KLHL1: variants seen among roughly 807,000 people sequenced by gnomAD.
KLHL1 encodes the protein kelch-like protein 1.
A neutral mutation model predicts 77.7 loss-of-function variants in KLHL1; 47 were observed. The observed-to-expected ratio is 0.60, with a 90% CI of 0.48 to 0.77. The LOEUF (loss-of-function observed/expected upper bound fraction) is 0.77. Among genes scored for constraint, KLHL1 ranks in the 30% least tolerant of loss-of-function variants. KLHL1 has a pLI of 0.00. For missense variants in KLHL1, 925 were observed against 910.8 expected (o/e 1.02, Z -0.20); for synonymous variants, 360 against 325.2 (o/e 1.11, Z -1.15).
intron 4 of KLHL1, among the ~76,000 whole-genome samples, chr13:69,931,106 C>T (rs961362868): frequency 4.0e-5 from 6 of 151,574 alleles, no homozygotes; most frequent in African/African-American, 1.5e-4. Flanking sequence ...TTCACTTACT[C>T]TCTTTTCAAA....
chr13:69,906,745 C>T (rs1882058128), intron 4 of KLHL1, among the ~76,000 whole-genome samples: 1 of 151,858 alleles, frequency 6.6e-6, no homozygotes, highest in Non-Finnish European at 1.5e-5. Context: ...ATCCTTTCTT[C>T]ACTTATAATA....
At chr13:70,008,978 T>A (rs941750334) in intron 1 of KLHL1, among the ~76,000 whole-genome samples, 1 of 152,180 alleles carries the variant, frequency 6.6e-6, no homozygotes, top group African/African-American at 2.4e-5. Flanking sequence ...AAATTTGTCA[T>A]TAATGTTCAT....
chr13:70,061,774 T>C (rs1299911423), intron 1 of KLHL1, among the ~76,000 whole-genome samples: 1 of 152,218 alleles, frequency 6.6e-6, no homozygotes, highest in African/African-American at 2.4e-5. Context: ...TTTGTGTGTT[T>C]ATTTATTTTT....
intron 9 of KLHL1, among the ~76,000 whole-genome samples, chr13:69,716,559 A>T (rs1038171862): frequency 2.0e-5 from 3 of 152,178 alleles, no homozygotes; most frequent in Non-Finnish European, 2.9e-5. Context: ...AGAAGTGGGT[A>T]TTACAAAGTC....
chr13:70,104,144 G>A (rs564960265), intron 1 of KLHL1, among the ~76,000 whole-genome samples: 13 of 152,114 alleles, frequency 8.5e-5, no homozygotes, highest in African/African-American at 3.1e-4. Flanking sequence ...AAAAATATAT[G>A]GTTATCTGAA....
At chr13:69,847,708 C>T (rs1373867055) in intron 5 of KLHL1, among the ~76,000 whole-genome samples, 2 of 151,344 alleles carry the variant, frequency 1.3e-5, no homozygotes, top group Non-Finnish European at 3.0e-5. Context: ...CATAATATCT[C>T]AAAATTTTGT....
At chr13:69,887,023 G>A (rs922531849) in intron 4 of KLHL1, among the ~76,000 whole-genome samples, 5 of 152,106 alleles carry the variant, frequency 3.3e-5, no homozygotes, top group Admixed American at 2.0e-4. Context: ...AAAAAAAATG[G>A]GGATCCTGGA....
intron 1 of KLHL1, among the ~76,000 whole-genome samples, chr13:69,997,418 T>C (rs977332854): frequency 6.6e-5 from 10 of 151,468 alleles, no homozygotes; most frequent in African/African-American, 2.4e-4. Context: ...AAGATGTTCA[T>C]CTTGCATAAC....
At chr13:69,741,012 CAAT>C (rs1873965579) in intron 7 of KLHL1, among the ~76,000 whole-genome samples, 1 of 152,064 alleles carries the variant, frequency 6.6e-6, no homozygotes, top group Non-Finnish European at 1.5e-5. Context: ...TTACTTACAA[CAAT>C]GTTACCTTAA....
At chr13:69,942,081 T>A (rs1002298468) in intron 3 of KLHL1, among the ~76,000 whole-genome samples, 1 of 152,064 alleles carries the variant, frequency 6.6e-6, no homozygotes, top group Non-Finnish European at 1.5e-5. Flanking sequence ...ATCTTAAGAA[T>A]TTTAAACCTG....
intron 1 of KLHL1, among the ~76,000 whole-genome samples, chr13:70,033,284 T>C (rs887678796): frequency 6.6e-6 from 1 of 151,936 alleles, no homozygotes; most frequent in Non-Finnish European, 1.5e-5. Flanking sequence ...TTTTGTTTTG[T>C]TTTGTTTCGT....
chr13:69,973,584 A>G (rs1884458958), intron 2 of KLHL1, among the ~76,000 whole-genome samples: 1 of 151,856 alleles, frequency 6.6e-6, no homozygotes, highest in African/African-American at 2.4e-5. Flanking sequence ...TAAAAGTATT[A>G]AAATGTATTA....
At chr13:69,746,073 C>G (rs1253802968) in intron 7 of KLHL1, among the ~76,000 whole-genome samples, 1 of 151,428 alleles carries the variant, frequency 6.6e-6, no homozygotes, top group Non-Finnish European at 1.5e-5. Flanking sequence ...TTTGATTTCC[C>G]TATGCTATTG....
intron 4 of KLHL1, among the ~76,000 whole-genome samples, chr13:69,939,132 C>T (rs887749455): frequency 6.6e-6 from 1 of 150,802 alleles, no homozygotes; most frequent in African/African-American, 2.4e-5. Context: ...GGCACCCATG[C>T]TATTAAATGC....
At chr13:69,781,433 G>A (rs1481710704) in intron 7 of KLHL1, among the ~76,000 whole-genome samples, 1 of 151,954 alleles carries the variant, frequency 6.6e-6, no homozygotes, top group Non-Finnish European at 1.5e-5. Context: ...TAGGAAGTAA[G>A]TAAGTTGAAA....
At chr13:69,964,339 G>T (rs1483621586) in intron 2 of KLHL1, among the ~76,000 whole-genome samples, 1 of 152,138 alleles carries the variant, frequency 6.6e-6, no homozygotes, top group East Asian at 1.9e-4. Context: ...ACTGCACCCA[G>T]ACCATCTTGT....
intron 1 of KLHL1, among the ~76,000 whole-genome samples, chr13:70,021,307 A>C (rs188427417): frequency 6.6e-6 from 1 of 152,058 alleles, no homozygotes; most frequent in Admixed American, 6.6e-5. Context: ...AATATGCATT[A>C]AAGTGTCTTG....
chr13:70,036,950 G>C (rs1239523550), intron 1 of KLHL1, among the ~76,000 whole-genome samples: 1 of 140,890 alleles, frequency 7.1e-6, no homozygotes, highest in Non-Finnish European at 1.5e-5. Context: ...AAATTATAAA[G>C]TTAATCGAGA....
intron 3 of KLHL1, among the ~76,000 whole-genome samples, chr13:69,945,159 G>T (rs1883484100): frequency 2.0e-5 from 3 of 151,184 alleles, no homozygotes; most frequent in African/African-American, 7.3e-5. Context: ...CTAATTTTTT[G>T]TATGTTTAGA....
Sources: gnomAD v4.1 joint callset for allele counts (sites outside exome capture counted in the v4.1 genomes callset) on GRCh38, gnomAD v4.1.1 for gene constraint, MANE v1.5 for transcripts, NCBI Gene and HGNC (gene_info 2026-07-23, HGNC 2026-07-21) for gene names.